PHLPP1: variants seen among roughly 807,000 people sequenced by gnomAD.
PHLPP1 encodes PH domain leucine-rich repeat-containing protein phosphatase 1.
Under a neutral mutation model 117.2 loss-of-function variants are expected in PHLPP1, and 42 were observed. The observed-to-expected ratio is 0.36, with a 90% CI of 0.28 to 0.46. The LOEUF is 0.46. Among genes scored for constraint, PHLPP1 ranks in the 20% least tolerant of loss-of-function variants. The pLI is 1.00. For missense variants in PHLPP1, 2,084 were observed against 2,241.9 expected (o/e 0.93, Z 1.42); for synonymous variants, 1,042 against 970.7 (o/e 1.07, Z -1.37).
chr18:62,945,033 A>G, intron 11 of PHLPP1, 76 bp from the exon 12 acceptor site: 1 of 1,106,548 alleles, frequency 9.0e-7, no homozygotes, highest in South Asian at 1.8e-5. Context: ...CCTTAAAGTC[A>G]TAGCAATTTA....
chr18:62,857,314 A>G (rs1915525575), intron 3 of PHLPP1, among the ~76,000 whole-genome samples: 1 of 150,730 alleles, frequency 6.6e-6, no homozygotes, highest in Non-Finnish European at 1.5e-5. Context: ...GGAATGTGTC[A>G]TGCTGCAGTT....
intron 1 of PHLPP1, among the ~76,000 whole-genome samples, chr18:62,730,214 C>A (rs1001959520): frequency 3.9e-5 from 6 of 152,200 alleles, no homozygotes; most frequent in Non-Finnish European, 8.8e-5. Flanking sequence ...AAACTAGTTA[C>A]CACCTGGACT....
rs774225759 is a variant in PHLPP1 at position 62,900,433 on chromosome 18, C to CTTTTT, written c.2445-2507_2445-2503dup. 8.3e-3 allele frequency among the ~76,000 whole-genome samples: 450 copies of CTTTTT among 54,262 alleles called. 120 individuals are homozygous for CTTTTT. Among genetic ancestry groups the CTTTTT allele is most frequent in the African/African-American group, 0.024 (293 of 12,308 alleles). 35.6% of individuals were successfully genotyped at this position (54,262 alleles called of 152,430 possible). On this transcript the variant is annotated intron_variant, in intron 6 of 16. Coordinates refer to ENST00000262719, the MANE Select transcript of PHLPP1 (RefSeq NM_194449.4). ...GTATTCTTGTTTTTTCTTTTTCTTT[C>CTTTTT]TTTTTTTTTTTTTTTTTTTTTTTTT...
At chr18:62,792,709 A>G (rs1913497694) in intron 1 of PHLPP1, among the ~76,000 whole-genome samples, 1 of 151,788 alleles carries the variant, frequency 6.6e-6, no homozygotes, top group Admixed American at 6.6e-5. Context: ...CATCTTTACA[A>G]AAAATTTATT....
chr18:62,958,568 G>C, intron 12 of PHLPP1, 61 bp from the exon 13 acceptor site: 1 of 1,572,010 alleles, frequency 6.4e-7, no homozygotes, highest in Non-Finnish European at 8.7e-7. Context: ...TAGGAGTATA[G>C]AATTCCCTGA....
intron 10 of PHLPP1, among the ~76,000 whole-genome samples, chr18:62,933,627 C>T (rs2144442896): frequency 6.6e-6 from 1 of 152,238 alleles, no homozygotes; most frequent in Admixed American, 6.5e-5. Flanking sequence ...GGATTAAAAA[C>T]TTAAATATAA....
intron 14 of PHLPP1, among the ~76,000 whole-genome samples, chr18:62,970,902 C>T (rs1911032783): frequency 6.6e-6 from 1 of 152,134 alleles, no homozygotes; most frequent in South Asian, 2.1e-4. Context: ...TTTCCTTTTC[C>T]ATTTCTTTAG....
chr18:62,862,661 C>T (rs1466228406), intron 4 of PHLPP1, among the ~76,000 whole-genome samples: 2 of 152,138 alleles, frequency 1.3e-5, no homozygotes, highest in Admixed American at 1.3e-4. Flanking sequence ...GCCCACAGCT[C>T]ACATAATCAG....
At chr18:62,877,190 C>T (rs1916068803) in intron 4 of PHLPP1, among the ~76,000 whole-genome samples, 1 of 152,030 alleles carries the variant, frequency 6.6e-6, no homozygotes, top group Non-Finnish European at 1.5e-5. Flanking sequence ...GTTGGCATTC[C>T]AGATGTAAAG....
chr18:62,921,311 G>T (rs1021115885), intron 10 of PHLPP1, among the ~76,000 whole-genome samples: 1 of 152,228 alleles, frequency 6.6e-6, no homozygotes, highest in Admixed American at 6.5e-5. Context: ...TAGAAGTGCA[G>T]AGAAGAGAAG....
intron 8 of PHLPP1, among the ~76,000 whole-genome samples, chr18:62,914,155 T>C (rs1401371570): frequency 6.6e-6 from 1 of 152,240 alleles, no homozygotes; most frequent in Non-Finnish European, 1.5e-5. Context: ...GCCACCATTT[T>C]AAAACTGTTT....
chr18:62,897,587 A>C (rs1405623387), intron 6 of PHLPP1, among the ~76,000 whole-genome samples: 1 of 152,014 alleles, frequency 6.6e-6, no homozygotes, highest in East Asian at 1.9e-4. Context: ...GCTCACTGCA[A>C]CCTCCACCTC....
At chr18:62,869,227 T>C (rs542228689) in intron 4 of PHLPP1, among the ~76,000 whole-genome samples, 7 of 152,300 alleles carry the variant, frequency 4.6e-5, no homozygotes, top group Admixed American at 1.3e-4. Context: ...TGCTGTGATG[T>C]AGTATGCCTG....
chr18:62,802,041 CCT>C (rs972595651), intron 1 of PHLPP1, among the ~76,000 whole-genome samples: 11 of 151,910 alleles, frequency 7.2e-5, no homozygotes, highest in Non-Finnish European at 5.9e-5. Context: ...CTCTCACTCC[CCT>C]GACTACTTTC....
intron 10 of PHLPP1, among the ~76,000 whole-genome samples, chr18:62,938,049 T>C (rs1316602252): frequency 6.6e-6 from 1 of 152,004 alleles, no homozygotes; most frequent in Non-Finnish European, 1.5e-5. Flanking sequence ...GTCTGTGGTG[T>C]CTGTGGAATC....
chr18:62,953,048 G>A (rs543265927), intron 12 of PHLPP1, among the ~76,000 whole-genome samples: 52 of 152,274 alleles, frequency 3.4e-4, no homozygotes, highest in African/African-American at 1.1e-3. Flanking sequence ...AACATCCCAC[G>A]TTAGTGATCA....
intron 4 of PHLPP1, among the ~76,000 whole-genome samples, chr18:62,888,681 C>T (rs1364586226): frequency 1.3e-5 from 2 of 152,156 alleles, no homozygotes; most frequent in East Asian, 3.8e-4. Flanking sequence ...CTGGCAGACA[C>T]AGTGGACCCT....
intron 1 of PHLPP1, among the ~76,000 whole-genome samples, chr18:62,738,691 G>C (rs1911437643): frequency 6.6e-6 from 1 of 152,096 alleles, no homozygotes; most frequent in Non-Finnish European, 1.5e-5. Context: ...TACAGTAAGA[G>C]ATTAACAACA....
At chr18:62,912,146 C>G (rs1451063958) in intron 8 of PHLPP1, among the ~76,000 whole-genome samples, 1 of 103,804 alleles carries the variant, frequency 9.6e-6, no homozygotes, top group African/African-American at 3.8e-5. Flanking sequence ...ACTCTGGGGA[C>G]TGTGGTGGGG....
Sources: gnomAD v4.1 joint callset for allele counts (sites outside exome capture counted in the v4.1 genomes callset) on GRCh38, gnomAD v4.1.1 for gene constraint, MANE v1.5 for transcripts, NCBI Gene and HGNC (gene_info 2026-07-23, HGNC 2026-07-21) for gene names.